The following DEPDC1B variants were observed in gnomAD, a reference collection of about 807,000 sequenced individuals.
DEPDC1B encodes DEP domain-containing protein 1B.
DEPDC1B carries 51 observed loss-of-function variants against 66.5 expected under a neutral mutation model. The ratio of observed to expected loss-of-function variants is 0.77; its 90% CI spans 0.61 to 0.97. The LOEUF is 0.97. Among genes scored for constraint, DEPDC1B ranks in the 50% least tolerant of loss-of-function variants. DEPDC1B has a pLI of 0.00. For missense variants in DEPDC1B, 552 were observed against 637.1 expected (o/e 0.87, Z 1.44); for synonymous variants, 226 against 223.6 (o/e 1.01, Z -0.10).
rs1051514455 is a variant in DEPDC1B, at chr5:60,599,284, A to G, written c.1243-24T>C. 11 of 1,535,216 alleles carry G rather than the reference A, an allele frequency of 7.2e-6. No homozygotes were observed. The Admixed American group carries it at 8.2e-5, about 12-fold the overall frequency. ...ATCTGAGGCAAAAGGATTAGTAGTGAAAGAATATAGCATATTTTCAAATAA... is the reference window on the plus strand; with the variant it reads ...ATCTGAGGCAAAAGGATTAGTAGTGGAAGAATATAGCATATTTTCAAATAA... On this transcript the variant is annotated intron_variant, in intron 9 of 10. Transcript: ENST00000265036.
chr5:60,674,756 G>T (rs1256862923), intron 2 of DEPDC1B, among the ~76,000 whole-genome samples: 4 of 152,176 alleles, frequency 2.6e-5, no homozygotes, highest in Non-Finnish European at 5.9e-5. Flanking sequence ...AGTTGCAACT[G>T]TAAGGAACAG....
At chr5:60,619,002 G>A (rs907048833) in intron 7 of DEPDC1B, among the ~76,000 whole-genome samples, 7 of 152,190 alleles carry the variant, frequency 4.6e-5, no homozygotes, top group African/African-American at 7.2e-5. Context: ...ATCAATAAAC[G>A]TAATCCAGCA....
Position 60,638,844 on chromosome 5 carries a change from T to C in DEPDC1B, c.804A>G (p.Glu268=). The C allele has an allele frequency of 6.2e-7, 1 of 1,613,388 alleles. No homozygotes were observed. Among genetic ancestry groups the C allele is most frequent in the Non-Finnish European group, 8.5e-7 (1 of 1,179,650 alleles). ...DLKQPMYLGF[E]KDVFKTIADY... ...CAGCTATGGTTTTAAAGACATCTTT[T>C]TCAAATCCCAAGTACATAGGCTGCT... The change falls in exon 7 of 11, where the codon GAA becomes GAG. Residue 268 remains glutamate, a synonymous_variant. Coordinates refer to ENST00000265036, the MANE Select transcript of DEPDC1B (RefSeq NM_018369.3).
intron 2 of DEPDC1B, among the ~76,000 whole-genome samples, chr5:60,654,663 G>A (rs1471029729): frequency 2.0e-5 from 3 of 148,662 alleles, no homozygotes; most frequent in Non-Finnish European, 4.4e-5. Flanking sequence ...CCAGTACTAT[G>A]TTGAATAGAA....
rs929656010 is a variant in DEPDC1B at position 60,641,919 on chromosome 5, G to C, written c.757+893C>G. ...GTTACTATTCATATACAGAAGGATA[G>C]TATAGAATGAATGAATAGCATTCAT... On this transcript the variant is annotated intron_variant, in intron 6 of 10. Coordinates refer to ENST00000265036, the MANE Select transcript of DEPDC1B (RefSeq NM_018369.3). Among the ~76,000 whole-genome samples, 4 of 152,162 alleles carry C rather than the reference G, an allele frequency of 2.6e-5. 1 individual carries two copies. Among genetic ancestry groups the C allele is most frequent in the Non-Finnish European group, 5.9e-5 (4 of 68,030 alleles).
At chr5:60,638,277 T>C (rs921439370) in intron 7 of DEPDC1B, among the ~76,000 whole-genome samples, 5 of 152,182 alleles carry the variant, frequency 3.3e-5, no homozygotes, top group African/African-American at 1.2e-4. Flanking sequence ...TTTTAATTAA[T>C]GATAAAGTCA....
intron 2 of DEPDC1B, among the ~76,000 whole-genome samples, chr5:60,656,482 G>T (rs1220557746): frequency 6.7e-6 from 1 of 148,366 alleles, no homozygotes; most frequent in African/African-American, 2.4e-5. Context: ...TTTCTGTCTT[G>T]ATGATTTGTT....
chr5:60,603,713 T>C (rs961039171), intron 8 of DEPDC1B, 146 bp from the exon 9 acceptor site: 9 of 760,192 alleles, frequency 1.2e-5, no homozygotes, highest in East Asian at 3.0e-5. Flanking sequence ...CTCAGATGGG[T>C]TGACGGTCTC....
intron 2 of DEPDC1B, among the ~76,000 whole-genome samples, chr5:60,677,945 G>T (rs565379816): frequency 6.6e-6 from 1 of 152,232 alleles, no homozygotes; most frequent in East Asian, 1.9e-4. Flanking sequence ...TAAAGGTGAG[G>T]TATCTAAAAC....
intron 1 of DEPDC1B, among the ~76,000 whole-genome samples, chr5:60,696,048 C>T (rs1754647277): frequency 6.6e-6 from 1 of 152,190 alleles, no homozygotes; most frequent in Non-Finnish European, 1.5e-5. Flanking sequence ...CCACCCGCCT[C>T]GGCCTCCCAA....
chr5:60,603,600 G>A, intron 8 of DEPDC1B, 33 bp from the exon 9 acceptor site: 1 of 1,538,630 alleles, frequency 6.5e-7, no homozygotes, highest in Non-Finnish European at 8.7e-7. Flanking sequence ...GGTAAACGCA[G>A]ATGAGTATTT....
intron 7 of DEPDC1B, among the ~76,000 whole-genome samples, chr5:60,636,512 T>C (rs1236400919): frequency 6.6e-6 from 1 of 152,232 alleles, no homozygotes; most frequent in Admixed American, 6.5e-5. Context: ...ACTTTAATGA[T>C]ATCCTATTCC....
chr5:60,597,593 A>G lies in DEPDC1B; in HGVS notation c.*160T>C, dbSNP rs1251606474. ...TAGCATTGAGTTTTATAAAAATACT[A>G]ATGGCCAAACATTTTTAAAAACTAA... On this transcript the variant is annotated 3_prime_UTR_variant, in exon 11 of 11. Coordinates refer to ENST00000265036, the MANE Select transcript of DEPDC1B (RefSeq NM_018369.3). 2.7e-6 allele frequency: 2 copies of G among 735,632 alleles called. No individual in the cohort carries two copies. Among genetic ancestry groups the G allele is most frequent in the Non-Finnish European group, 4.2e-6 (2 of 481,108 alleles). 45.6% of individuals were successfully genotyped at this position (735,632 alleles called of 1,614,324 possible). A position where few individuals can be genotyped will look rare whatever the true frequency, so the allele number is the denominator to read the frequency against.
chr5:60,687,713 A>G (rs1056609867), intron 1 of DEPDC1B: 7 of 166,922 alleles, frequency 4.2e-5, no homozygotes, highest in South Asian at 1.1e-4. Context: ...TTTAGTAGAG[A>G]TGGAGTTTCA....
intron 1 of DEPDC1B, among the ~76,000 whole-genome samples, chr5:60,688,666 A>G (rs1754478384): frequency 6.6e-6 from 1 of 152,176 alleles, no homozygotes; most frequent in Non-Finnish European, 1.5e-5. Context: ...AAGACCCCAG[A>G]ATGGAGTCTC....
chr5:60,689,302 T>A (rs1037772418), intron 1 of DEPDC1B, among the ~76,000 whole-genome samples: 8 of 152,208 alleles, frequency 5.3e-5, no homozygotes, highest in African/African-American at 1.9e-4. Flanking sequence ...TTTCTCCTTA[T>A]ATCTGTGAAG....
chr5:60,654,384 G>A (rs1159415636), intron 2 of DEPDC1B, among the ~76,000 whole-genome samples: 4 of 146,068 alleles, frequency 2.7e-5, no homozygotes, highest in Non-Finnish European at 4.5e-5. Flanking sequence ...TTGGTGGGGG[G>A]TACTATTGTA....
intron 7 of DEPDC1B, among the ~76,000 whole-genome samples, chr5:60,617,426 T>G (rs995056428): frequency 6.6e-6 from 1 of 151,982 alleles, no homozygotes; most frequent in Non-Finnish European, 1.5e-5. Flanking sequence ...AGGCTCAAAT[T>G]AAAGGGATGG....
chr5:60,649,851 ATTCT>A (rs935750837), intron 2 of DEPDC1B, among the ~76,000 whole-genome samples: 1 of 152,096 alleles, frequency 6.6e-6, no homozygotes, highest in African/African-American at 2.4e-5. Flanking sequence ...GGTGAATAAG[ATTCT>A]TTCTTAAACT....
Sources: allele counts gnomAD v4.1 joint callset (sites outside exome capture counted in the v4.1 genomes callset), GRCh38; gene constraint gnomAD v4.1.1; transcripts MANE v1.5; gene names NCBI Gene and HGNC (gene_info 2026-07-23, HGNC 2026-07-21).